B3GLCT: variants seen among roughly 807,000 people sequenced by gnomAD.
B3GLCT encodes beta 3-glucosyltransferase.
Under a neutral mutation model 63.4 loss-of-function variants are expected in B3GLCT, and 65 were observed. The observed-to-expected ratio is 1.03, with a 90% CI of 0.84 to 1.26. The LOEUF (loss-of-function observed/expected upper bound fraction) is 1.26. Among genes scored for constraint, B3GLCT ranks in the 50% most tolerant of loss-of-function variants. The pLI, the probability that B3GLCT is intolerant of heterozygous loss-of-function variation, is 0.00. For missense variants in B3GLCT, 577 were observed against 604.8 expected, an observed-to-expected ratio of 0.95 and a Z score of 0.48; for synonymous variants, 233 against 219.2, an observed-to-expected ratio of 1.06 and a Z score of -0.55.
intron 10 of B3GLCT, among the ~76,000 whole-genome samples, chr13:31,278,359 T>C (rs1400033326): frequency 1.3e-5 from 2 of 152,220 alleles, no homozygotes; most frequent in Non-Finnish European, 2.9e-5. Flanking sequence ...GAGATACTCT[T>C]TTTAGATATT....
chr13:31,208,318 T>G (rs1285442077), intron 1 of B3GLCT, among the ~76,000 whole-genome samples: 1 of 152,130 alleles, frequency 6.6e-6, no homozygotes, highest in Non-Finnish European at 1.5e-5. Flanking sequence ...GTTTTGTCCT[T>G]AAATGTTGCA....
chr13:31,325,307 T>A (rs1044728350), intron 14 of B3GLCT, among the ~76,000 whole-genome samples: 4 of 152,192 alleles, frequency 2.6e-5, no homozygotes, highest in Non-Finnish European at 1.5e-5. Flanking sequence ...TGTGTTAGGA[T>A]GACTTAGGAA....
chr13:31,225,653 C>T (rs555335640), intron 3 of B3GLCT, among the ~76,000 whole-genome samples: 11 of 152,282 alleles, frequency 7.2e-5, no homozygotes, highest in South Asian at 2.1e-4. Flanking sequence ...TACCCCCATG[C>T]GTCCTGTTCC....
chr13:31,305,235 C>G (rs1186923512), intron 12 of B3GLCT, among the ~76,000 whole-genome samples: 1 of 73,824 alleles, frequency 1.4e-5, no homozygotes. Flanking sequence ...AGGAAAGATC[C>G]AAAATTGACA....
At chr13:31,285,430 A>C (rs1184790338) in intron 11 of B3GLCT, among the ~76,000 whole-genome samples, 4 of 152,064 alleles carry the variant, frequency 2.6e-5, no homozygotes, top group Admixed American at 2.6e-4. Flanking sequence ...CGATGTTACA[A>C]AACTGCACTT....
chr13:31,249,489 A>T (rs764798323), intron 6 of B3GLCT, among the ~76,000 whole-genome samples: 1 of 152,128 alleles, frequency 6.6e-6, no homozygotes, highest in East Asian at 1.9e-4. Context: ...AAAACTCCCA[A>T]ATCTTTTTTA....
chr13:31,316,306 C>T (rs1307452551), intron 12 of B3GLCT, among the ~76,000 whole-genome samples: 2 of 150,256 alleles, frequency 1.3e-5, no homozygotes, highest in African/African-American at 4.9e-5. Flanking sequence ...GGGGCTGTCC[C>T]CTGCAGAGCC....
chr13:31,313,357 C>T (rs1338135355), intron 12 of B3GLCT, among the ~76,000 whole-genome samples: 1 of 152,174 alleles, frequency 6.6e-6, no homozygotes, highest in African/African-American at 2.4e-5. Flanking sequence ...TGTTGAATGG[C>T]TTTGCCCAAA....
intron 9 of B3GLCT, among the ~76,000 whole-genome samples, chr13:31,275,366 A>G (rs1417272313): frequency 6.6e-6 from 1 of 152,188 alleles, no homozygotes; most frequent in Non-Finnish European, 1.5e-5. Context: ...TTTACTCCAG[A>G]GCCTTTGTGA....
At chr13:31,235,187 G>A (rs1870586321) in intron 4 of B3GLCT, among the ~76,000 whole-genome samples, 1 of 152,108 alleles carries the variant, frequency 6.6e-6, no homozygotes, top group Non-Finnish European at 1.5e-5. Context: ...AGATGAGGTG[G>A]GGCTGCTGAG....
At chr13:31,275,562 T>C (rs1290925895) in intron 9 of B3GLCT, among the ~76,000 whole-genome samples, 1 of 152,206 alleles carries the variant, frequency 6.6e-6, no homozygotes, top group African/African-American at 2.4e-5. Flanking sequence ...TGGCTCTGCC[T>C]TTCATCTCAA....
intron 12 of B3GLCT, among the ~76,000 whole-genome samples, chr13:31,305,451 AAGAG>A (rs1267851798): frequency 2.6e-4 from 7 of 26,800 alleles, no homozygotes; most frequent in African/African-American, 9.0e-4. Context: ...TAAAGAAAAA[AAGAG>A]AGAAGAATCA....
chr13:31,258,056 A>G (rs9529902), intron 6 of B3GLCT, among the ~76,000 whole-genome samples: 50,182 of 152,042 alleles, frequency 0.33, 9,192 homozygotes, highest in Non-Finnish European at 0.42. Context: ...TAAGGGATGC[A>G]TTGGGAATGG....
At chr13:31,218,543 T>C (rs1388217041) in intron 2 of B3GLCT, among the ~76,000 whole-genome samples, 1 of 152,210 alleles carries the variant, frequency 6.6e-6, no homozygotes, top group Non-Finnish European at 1.5e-5. Context: ...TATTTGTGTA[T>C]GGAAATGCTA....
intron 12 of B3GLCT, among the ~76,000 whole-genome samples, chr13:31,315,425 C>A (rs1250638181): frequency 6.6e-6 from 1 of 152,192 alleles, no homozygotes; most frequent in Non-Finnish European, 1.5e-5. Flanking sequence ...TGCCCCTGCC[C>A]TAGAGATCTG....
chr13:31,273,143 G>A (rs1872642667), intron 8 of B3GLCT, among the ~76,000 whole-genome samples: 1 of 152,132 alleles, frequency 6.6e-6, no homozygotes, highest in African/African-American at 2.4e-5. Context: ...CACCCAGGCT[G>A]GAATGCAGTG....
intron 12 of B3GLCT, among the ~76,000 whole-genome samples, chr13:31,288,067 T>G (rs1873438089): frequency 6.6e-6 from 1 of 152,176 alleles, no homozygotes; most frequent in South Asian, 2.1e-4. Context: ...AGCACATAAT[T>G]ATTTAAAGAA....
In B3GLCT at chr13:31,225,608, G is replaced by T. The variant is rs576133105; in HGVS notation, c.160+2617G>T. ...GGCATTCATTATGATCAGGGTTGCA[G>T]GAGCTCCCCTCCCCTTTAGCCTTGT... On this transcript the variant is annotated intron_variant, in intron 3 of 14. Coordinates refer to ENST00000343307, the MANE Select transcript of B3GLCT (RefSeq NM_194318.4). 2.6e-5 allele frequency among the ~76,000 whole-genome samples: 4 copies of T among 152,312 alleles called. No individual in the cohort carries two copies. In the South Asian group the frequency reaches 8.3e-4, roughly 32 times the overall value.
At chr13:31,235,611 C>T (rs1485889133) in intron 4 of B3GLCT, among the ~76,000 whole-genome samples, 2 of 152,124 alleles carry the variant, frequency 1.3e-5, no homozygotes, top group East Asian at 1.9e-4. Flanking sequence ...CTGTGGCCTG[C>T]GCACTGACCT....
Sources: allele counts gnomAD v4.1 joint callset (sites outside exome capture counted in the v4.1 genomes callset), GRCh38; gene constraint gnomAD v4.1.1; transcripts MANE v1.5; gene names NCBI Gene and HGNC (gene_info 2026-07-23, HGNC 2026-07-21).